Variants in CDH12 observed in about 807,000 individuals in gnomAD.
CDH12 encodes cadherin 12, also known as cadherin-12.
CDH12 carries 41 observed loss-of-function variants against 74.1 expected under a neutral mutation model. The ratio of observed to expected loss-of-function variants is 0.55; its 90% CI spans 0.43 to 0.72. The LOEUF is 0.72. CDH12 is among the 30% of genes least tolerant of loss of function. CDH12 has a pLI of 0.00. For synonymous variants in CDH12, 399 were observed against 355.0 expected, an observed-to-expected ratio of 1.12 and a Z score of -1.39; for missense variants, 945 against 977.2, an observed-to-expected ratio of 0.97 and a Z score of 0.44.
chr5:22,549,086 T>A (rs891357134), intron 1 of CDH12, among the ~76,000 whole-genome samples: 1 of 151,988 alleles, frequency 6.6e-6, no homozygotes, highest in Non-Finnish European at 1.5e-5. Flanking sequence ...ACTTCAGGCA[T>A]GTATCACCAT....
At chr5:22,774,359 G>A (rs915947651) in intron 1 of CDH12, among the ~76,000 whole-genome samples, 6 of 152,110 alleles carry the variant, frequency 3.9e-5, no homozygotes, top group African/African-American at 1.4e-4. Context: ...TATCCTAAGT[G>A]AATTAAAGCA....
intron 1 of CDH12, chr5:22,580,457 G>T (rs766108976): frequency 2.0e-6 from 1 of 510,048 alleles, no homozygotes; most frequent in South Asian, 1.5e-5. Flanking sequence ...CAAACCTGGC[G>T]ACTGCATGCG....
chr5:22,362,409 A>T lies in CDH12; in HGVS notation c.-333+42848T>A, dbSNP rs372445262. ...CCATCTCACACCAGTTAGAATGGCG[A>T]TCATTAAAAAGTCAGGAAACATCAG... On this transcript the variant is annotated intron_variant, in intron 3 of 14. Transcript: ENST00000382254. 8.5e-5 allele frequency among the ~76,000 whole-genome samples: 13 copies of T among 152,302 alleles called. No homozygotes were observed. In the East Asian group the frequency reaches 1.4e-3, roughly 16 times the overall value.
chr5:22,563,410 C>T (rs1739153021), intron 1 of CDH12, among the ~76,000 whole-genome samples: 1 of 151,906 alleles, frequency 6.6e-6, no homozygotes, highest in African/African-American at 2.4e-5. Context: ...CTTTTTTGCC[C>T]ATTTTAAAAA....
At chr5:21,767,487 T>C (rs2149879044) in intron 11 of CDH12, among the ~76,000 whole-genome samples, 1 of 151,810 alleles carries the variant, frequency 6.6e-6, no homozygotes, top group Middle Eastern at 3.4e-3. Flanking sequence ...TTAACAGTGT[T>C]TCCCCAAAAG....
At chr5:21,916,612 C>A (rs964827796) in intron 6 of CDH12, among the ~76,000 whole-genome samples, 1 of 152,128 alleles carries the variant, frequency 6.6e-6, no homozygotes, top group Non-Finnish European at 1.5e-5. Context: ...ACCAAACACC[C>A]TTTCTCCTCC....
chr5:21,867,695 C>A (rs924297164), intron 6 of CDH12, among the ~76,000 whole-genome samples: 3 of 152,152 alleles, frequency 2.0e-5, no homozygotes, highest in African/African-American at 7.2e-5. Context: ...AACTAATTTG[C>A]TTTTGATTTT....
intron 6 of CDH12, among the ~76,000 whole-genome samples, chr5:21,862,894 A>T (rs1181914109): frequency 6.6e-6 from 1 of 152,062 alleles, no homozygotes; most frequent in African/African-American, 2.4e-5. Context: ...TCACCTTCTC[A>T]CAATTGGAAA....
intron 1 of CDH12, among the ~76,000 whole-genome samples, chr5:22,517,515 G>T (rs1736860304): frequency 6.6e-6 from 1 of 152,048 alleles, no homozygotes; most frequent in Non-Finnish European, 1.5e-5. Flanking sequence ...GTAAACTTTG[G>T]TAAAGTAAAT....
In CDH12 at chr5:22,162,763, A is replaced by G. The variant is rs551848882; in HGVS notation, c.-187+49735T>C. ...GGTTTGTCAGCTGCTCTAGTACTGGACCCATAATTTAGCTGGGGCTCTGAC... is the reference window on the plus strand; with the variant it reads ...GGTTTGTCAGCTGCTCTAGTACTGGGCCCATAATTTAGCTGGGGCTCTGAC... On this transcript the variant is annotated intron_variant, in intron 4 of 14. Coordinates refer to ENST00000382254, the MANE Select transcript of CDH12 (RefSeq NM_004061.5). 6.6e-5 allele frequency among the ~76,000 whole-genome samples: 10 copies of G among 152,120 alleles called. No homozygotes were observed. The East Asian group carries it at 1.9e-3, about 30-fold the overall frequency.
At chr5:22,078,362 C>A in intron 5 of CDH12, 84 bp downstream of exon 5, 3 of 1,226,760 alleles carry the variant, frequency 2.4e-6, no homozygotes, top group Non-Finnish European at 3.5e-6. Context: ...GTTTGTTCAA[C>A]TCCTGTGCAA....
At chr5:22,243,323 C>T (rs1183725135) in intron 3 of CDH12, among the ~76,000 whole-genome samples, 1 of 152,054 alleles carries the variant, frequency 6.6e-6, no homozygotes. Flanking sequence ...AATGGCGTTA[C>T]CCACATTTGC....
intron 1 of CDH12, among the ~76,000 whole-genome samples, chr5:22,560,867 T>C (rs1739018763): frequency 6.6e-6 from 1 of 152,280 alleles, no homozygotes; most frequent in African/African-American, 2.4e-5. Context: ...GCAAGATGAA[T>C]TGTATGCTTA....
intron 3 of CDH12, among the ~76,000 whole-genome samples, chr5:22,387,909 G>A (rs1447933197): frequency 6.6e-6 from 1 of 152,024 alleles, no homozygotes; most frequent in East Asian, 1.9e-4. Flanking sequence ...ATATAGTTCA[G>A]AGAATATATG....
At chr5:22,676,983 T>C (rs1176778990) in intron 1 of CDH12, among the ~76,000 whole-genome samples, 1 of 152,200 alleles carries the variant, frequency 6.6e-6, no homozygotes, top group African/African-American at 2.4e-5. Flanking sequence ...AGACAATCAA[T>C]ATATCTTAGT....
chr5:21,819,909 G>A (rs1579764807), intron 8 of CDH12, among the ~76,000 whole-genome samples: 1 of 151,926 alleles, frequency 6.6e-6, no homozygotes, highest in African/African-American at 2.4e-5. Flanking sequence ...CATTCAATGA[G>A]AGCCAGTTGA....
At chr5:22,641,736 T>C (rs1739163149) in intron 1 of CDH12, among the ~76,000 whole-genome samples, 1 of 152,206 alleles carries the variant, frequency 6.6e-6, no homozygotes, top group African/African-American at 2.4e-5. Context: ...TATTCAAATA[T>C]CAATGAGTGG....
chr5:21,865,488 C>T (rs1331464419), intron 6 of CDH12, among the ~76,000 whole-genome samples: 2 of 152,124 alleles, frequency 1.3e-5, no homozygotes, highest in South Asian at 2.1e-4. Flanking sequence ...GCCCAGTGCT[C>T]TGGGAGGGCA....
chr5:22,236,032 AG>A (rs1202818356), intron 3 of CDH12, among the ~76,000 whole-genome samples: 3 of 152,220 alleles, frequency 2.0e-5, no homozygotes, highest in Non-Finnish European at 2.9e-5. Flanking sequence ...AAATACAAAA[AG>A]GTACCGTAAA....
Sources: gnomAD v4.1 joint callset for allele counts (sites outside exome capture counted in the v4.1 genomes callset) on GRCh38, gnomAD v4.1.1 for gene constraint, MANE v1.5 for transcripts, NCBI Gene and HGNC (gene_info 2026-07-23, HGNC 2026-07-21) for gene names.